The following GRM7 variants were observed in gnomAD, a reference collection of about 807,000 sequenced individuals.
The protein encoded by GRM7 is glutamate metabotropic receptor 7.
Under a neutral mutation model 84.5 loss-of-function variants are expected in GRM7, and 35 were observed. That is an observed-to-expected ratio of 0.41 (90% CI 0.32 to 0.55). The LOEUF (loss-of-function observed/expected upper bound fraction) is 0.55, where lower values mean the gene tolerates loss of function less well. Ranked by LOEUF, GRM7 falls within the 20% of genes least tolerant of loss-of-function variation. GRM7 has a pLI of 0.19. For missense variants in GRM7, 1,003 were observed against 1,194.6 expected, an observed-to-expected ratio of 0.84 and a Z score of 2.36; for synonymous variants, 487 against 455.1, an observed-to-expected ratio of 1.07 and a Z score of -0.89.
At chr3:7,563,787 A>C (rs1694139647) in intron 7 of GRM7, among the ~76,000 whole-genome samples, 2 of 152,164 alleles carry the variant, frequency 1.3e-5, no homozygotes, top group Non-Finnish European at 2.9e-5. Flanking sequence ...TTCAGTTTTT[A>C]ATCCAGGATG....
chr3:7,553,716 C>T (rs909012631), intron 7 of GRM7, among the ~76,000 whole-genome samples: 1 of 152,146 alleles, frequency 6.6e-6, no homozygotes, highest in Non-Finnish European at 1.5e-5. Flanking sequence ...ACTTACTCTC[C>T]TGAGAACAGC....
intron 7 of GRM7, among the ~76,000 whole-genome samples, chr3:7,516,597 G>C (rs1213219663): frequency 6.6e-6 from 1 of 150,960 alleles, no homozygotes; most frequent in African/African-American, 2.4e-5. Flanking sequence ...AGATTCTTAA[G>C]TGCAGGGGAA....
At chr3:7,418,739 C>A (rs1456386677) in intron 5 of GRM7, among the ~76,000 whole-genome samples, 2 of 152,080 alleles carry the variant, frequency 1.3e-5, no homozygotes, top group Admixed American at 6.6e-5. Context: ...GAAGTGACAT[C>A]TCTGCAAAAA....
rs142543957 is a variant in GRM7 at position 7,170,043 on chromosome 3, A to G, written c.736+23375A>G. On this transcript the variant is annotated intron_variant, in intron 2 of 9. Transcript: ENST00000357716. ...ATTCAGTTAGTTTGAGGCAGAGCCT[A>G]ATAATTTGCTTTTCTAACTCATTCC... 2.6e-5 allele frequency among the ~76,000 whole-genome samples: 4 copies of G among 152,304 alleles called. No homozygotes were observed. In the East Asian group the frequency reaches 7.7e-4, roughly 29 times the overall value.
chr3:7,716,909 G>C (rs1420859978), intron 9 of GRM7, among the ~76,000 whole-genome samples: 1 of 152,116 alleles, frequency 6.6e-6, no homozygotes, highest in South Asian at 2.1e-4. Flanking sequence ...CATTTCACAG[G>C]ATTGAAATCC....
chr3:7,641,213 A>ATGT (rs1486232213), intron 8 of GRM7, among the ~76,000 whole-genome samples: 8 of 152,194 alleles, frequency 5.3e-5, no homozygotes, highest in African/African-American at 1.7e-4. Flanking sequence ...TACTTCTGGA[A>ATGT]TGTTACTTTC....
In GRM7 at chr3:7,686,266, GC is replaced by G. The variant is rs1700580591; in HGVS notation, c.2698+5973del. 5 of 640,852 alleles carry G rather than the reference GC, an allele frequency of 7.8e-6. No homozygotes were observed. In the Admixed American group the frequency reaches 1.2e-4, roughly 15 times the overall value. 39.7% of individuals were successfully genotyped at this position (640,852 alleles called of 1,614,324 possible). On this transcript the variant is annotated intron_variant, in intron 9 of 9. Transcript: ENST00000357716. ...CATGATGTGTATGGTCTCTATCGCA[GC>G]CTTTTCCCAAAAGGAAAATAATAAT...
At chr3:7,136,266 G>A (rs1693767817) in intron 1 of GRM7, among the ~76,000 whole-genome samples, 1 of 151,216 alleles carries the variant, frequency 6.6e-6, no homozygotes, top group Non-Finnish European at 1.5e-5. Flanking sequence ...CACTGTATTT[G>A]CTATGTGGGC....
At chr3:7,095,265 A>T (rs2125013408) in intron 1 of GRM7, among the ~76,000 whole-genome samples, 1 of 152,326 alleles carries the variant, frequency 6.6e-6, no homozygotes, top group African/African-American at 2.4e-5. Flanking sequence ...GGAAGCAATG[A>T]GTCTCCAGTT....
intron 8 of GRM7, among the ~76,000 whole-genome samples, chr3:7,612,348 A>T (rs1467018709): frequency 6.6e-6 from 1 of 152,120 alleles, no homozygotes; most frequent in African/African-American, 2.4e-5. Context: ...AGTGCTTAAA[A>T]CCACTGGACA....
intron 2 of GRM7, among the ~76,000 whole-genome samples, chr3:7,222,218 T>A (rs1301790486): frequency 6.6e-6 from 1 of 152,154 alleles, no homozygotes; most frequent in Non-Finnish European, 1.5e-5. Flanking sequence ...TTGTCAGGTA[T>A]GGTGGGCTGA....
At chr3:6,965,764 A>T (rs912132358) in intron 1 of GRM7, among the ~76,000 whole-genome samples, 34 of 152,284 alleles carry the variant, frequency 2.2e-4, no homozygotes, top group African/African-American at 8.2e-4. Context: ...CCGCCTACAG[A>T]TGAGTAAATG....
At chr3:7,709,543 G>A (rs943231764) in intron 9 of GRM7, among the ~76,000 whole-genome samples, 1 of 152,108 alleles carries the variant, frequency 6.6e-6, no homozygotes, top group African/African-American at 2.4e-5. Context: ...GCCTCAGAGA[G>A]TGAGGGGATG....
chr3:6,955,102 A>G (rs867110255), intron 1 of GRM7, among the ~76,000 whole-genome samples: 1 of 152,220 alleles, frequency 6.6e-6, no homozygotes, highest in Non-Finnish European at 1.5e-5. Flanking sequence ...AGTATCTGTC[A>G]CCCTAGGCAA....
chr3:7,392,643 T>C (rs1346128115), intron 4 of GRM7, among the ~76,000 whole-genome samples: 1 of 152,178 alleles, frequency 6.6e-6, no homozygotes, highest in Non-Finnish European at 1.5e-5. Context: ...TGTCAGGTAT[T>C]GTCCTAGATA....
chr3:7,625,207 A>T (rs993428372), intron 8 of GRM7, among the ~76,000 whole-genome samples: 2 of 152,108 alleles, frequency 1.3e-5, no homozygotes, highest in African/African-American at 4.8e-5. Flanking sequence ...GTCATATTGT[A>T]CTGAGGCCAG....
chr3:6,869,612 G>C (rs957803130), intron 1 of GRM7, among the ~76,000 whole-genome samples: 1 of 75,878 alleles, frequency 1.3e-5, no homozygotes, highest in Non-Finnish European at 2.9e-5. Context: ...TGGAGACAGA[G>C]AGAGAGAAAG....
intron 4 of GRM7, among the ~76,000 whole-genome samples, chr3:7,337,647 G>GA (rs1157524018): frequency 6.6e-6 from 1 of 151,518 alleles, no homozygotes; most frequent in African/African-American, 2.4e-5. Context: ...ATAAACATAT[G>GA]AAAAAAATGC....
At chr3:6,977,969 G>A (rs1238782232) in intron 1 of GRM7, among the ~76,000 whole-genome samples, 2 of 152,150 alleles carry the variant, frequency 1.3e-5, no homozygotes, top group African/African-American at 4.8e-5. Context: ...CCTCAAGTGA[G>A]CAAGAGTAGT....
Sources: allele counts gnomAD v4.1 joint callset (sites outside exome capture counted in the v4.1 genomes callset), GRCh38; gene constraint gnomAD v4.1.1; transcripts MANE v1.5; gene names NCBI Gene and HGNC (gene_info 2026-07-23, HGNC 2026-07-21).